AAGAB: variants seen among roughly 807,000 people sequenced by gnomAD.
The protein encoded by AAGAB is alpha and gamma adaptin binding protein, also known as alpha- and gamma-adaptin-binding protein p34.
In AAGAB, 38 loss-of-function variants were observed where a neutral mutation model predicts 44.1. The observed-to-expected ratio is 0.86, with a 90% CI of 0.67 to 1.13. The LOEUF is 1.13. Ranked by LOEUF, AAGAB falls within the 50% of genes most tolerant of loss-of-function variation. The pLI, the probability that AAGAB is intolerant of heterozygous loss-of-function variation, is 0.00. For missense variants in AAGAB, 450 were observed against 373.8 expected, an observed-to-expected ratio of 1.20 and a Z score of -1.68; for synonymous variants, 131 against 131.8, an observed-to-expected ratio of 0.99 and a Z score of 0.04.
At chr15:67,227,186 C>T (rs1409710094) in intron 5 of AAGAB, among the ~76,000 whole-genome samples, 1 of 152,130 alleles carries the variant, frequency 6.6e-6, no homozygotes, top group African/African-American at 2.4e-5. Context: ...AATACATAAT[C>T]CCAAATAATC....
Position 67,208,619 on chromosome 15 carries a change from A to T in AAGAB, c.658T>A (p.Ser220Thr). Residue 220 changes from serine (S) to threonine (T), a missense_variant, in exon 7 of 10, where the codon TCT becomes ACT. Coordinates refer to ENST00000261880, the MANE Select transcript of AAGAB (RefSeq NM_024666.5). Reference protein sequence around the residue: ...LPAADSTESLSDHRGGASNTT... With the variant: ...LPAADSTESLTDHRGGASNTT... The stretch of plus-strand genomic sequence containing the variant: ...TTAGATGCACCACCCCGATGATCAG[A>T]GAGGGATTCAGTACTATCTGCTGCT... 2 of 1,614,224 alleles carry T rather than the reference A, an allele frequency of 1.2e-6. No homozygotes were observed. Among genetic ancestry groups the T allele is most frequent in the Admixed American group, 1.7e-5 (1 of 60,026 alleles).
At chr15:67,204,239 G>T in intron 7 of AAGAB, 91 bp from the exon 8 acceptor site, 1 of 871,170 alleles carries the variant, frequency 1.1e-6, no homozygotes. Context: ...CCTTGATGAA[G>T]TCACCAATGA....
chr15:67,252,707 G>A (rs575544919), intron 1 of AAGAB, among the ~76,000 whole-genome samples: 2 of 152,218 alleles, frequency 1.3e-5, no homozygotes, highest in South Asian at 2.1e-4. Flanking sequence ...ATAGGAAGGA[G>A]CACTGCTTAA....
intron 4 of AAGAB, among the ~76,000 whole-genome samples, chr15:67,233,431 A>T (rs990798264): frequency 6.6e-6 from 1 of 152,206 alleles, no homozygotes; most frequent in Admixed American, 6.5e-5. Context: ...TGTACAAAGG[A>T]AATGGGGATC....
intron 5 of AAGAB, among the ~76,000 whole-genome samples, chr15:67,229,670 A>G (rs950413205): frequency 6.6e-6 from 1 of 152,074 alleles, no homozygotes; most frequent in Non-Finnish European, 1.5e-5. Context: ...TTCTCTAATG[A>G]CGACAAGGGT....
intron 1 of AAGAB, among the ~76,000 whole-genome samples, chr15:67,247,597 C>T: frequency 6.6e-6 from 1 of 152,228 alleles, no homozygotes; most frequent in East Asian, 1.9e-4. Flanking sequence ...GGTATTTCTC[C>T]TCCTACTCTC....
intron 5 of AAGAB, among the ~76,000 whole-genome samples, chr15:67,222,931 G>A (rs1964116912): frequency 1.3e-5 from 2 of 152,090 alleles, no homozygotes. Context: ...TGCTCTTCAA[G>A]GTCACTAATG....
intron 5 of AAGAB, among the ~76,000 whole-genome samples, chr15:67,211,772 T>C (rs2140348991): frequency 6.6e-6 from 1 of 152,356 alleles, no homozygotes; most frequent in Middle Eastern, 3.4e-3. Flanking sequence ...ATTTTTCCTC[T>C]GTTAGGCGTC....
chr15:67,232,115 G>A (rs1964352159), intron 4 of AAGAB, among the ~76,000 whole-genome samples: 1 of 151,932 alleles, frequency 6.6e-6, no homozygotes, highest in South Asian at 2.1e-4. Flanking sequence ...TTAGCCAGGC[G>A]TGGTGGCGCA....
At chr15:67,249,282 C>T (rs549569404) in intron 1 of AAGAB, among the ~76,000 whole-genome samples, 4 of 152,062 alleles carry the variant, frequency 2.6e-5, no homozygotes, top group East Asian at 1.9e-4. Context: ...TGATCAGCCC[C>T]CCTCGGACTC....
At position 67,200,774 on chromosome 15, in the gene AAGAB, T is replaced by C. The variant is rs574753549; in HGVS notation, c.*2047A>G. Among the ~76,000 whole-genome samples the C allele has an allele frequency of 5.7e-4, 87 of 152,362 alleles. No homozygotes were observed. Among genetic ancestry groups the C allele is most frequent in the African/African-American group, 2.0e-3 (83 of 41,582 alleles). ...CTGTAGTGTTAGCTCATGATCACTA[T>C]TCTAACATGGGCTTTTAGTAGATTT... On this transcript the variant is annotated 3_prime_UTR_variant, in exon 10 of 10. Transcript: ENST00000261880.
At chr15:67,254,360 C>A in intron 1 of AAGAB, 199 bp downstream of exon 1, 1 of 1,369,578 alleles carries the variant, frequency 7.3e-7, no homozygotes, top group Non-Finnish European at 9.5e-7. Flanking sequence ...AAAGGAACGC[C>A]GAAGAAGGCC....
At position 67,217,574 on chromosome 15, in the gene AAGAB, T is replaced by C. The variant is rs185846982; in HGVS notation, c.536-8030A>G. 1.2e-4 allele frequency among the ~76,000 whole-genome samples: 18 copies of C among 152,326 alleles called. No homozygotes were observed. The East Asian group carries it at 3.5e-3, about 29-fold the overall frequency. Reference sequence around the variant, plus strand: ...ATTTTTTTGAAATGGAGTCTCGCTCTATCACCAGGCTGGAGTGCAGTGCTG... The same window carrying C: ...ATTTTTTTGAAATGGAGTCTCGCTCCATCACCAGGCTGGAGTGCAGTGCTG... On this transcript the variant is annotated intron_variant, in intron 5 of 9. Transcript: ENST00000261880.
At chr15:67,217,463 T>C (rs1308794610) in intron 5 of AAGAB, among the ~76,000 whole-genome samples, 1 of 152,250 alleles carries the variant, frequency 6.6e-6, no homozygotes, top group Non-Finnish European at 1.5e-5. Flanking sequence ...AACAATTTTA[T>C]TTAAGGCATT....
Position 67,235,981 on chromosome 15 carries a change from T to A in AAGAB, c.449A>T (p.Asp150Val). The A allele has an allele frequency of 6.2e-7, 1 of 1,602,256 alleles. No homozygotes were observed. The highest frequency in any genetic ancestry group is 8.5e-7 in the Non-Finnish European group (1 of 1,171,192). ...TCTCCTAACACATAAACACTTACCA[T>A]CCTCCTCAGGCAACTCCTCTGGACT... ...ELSPEELPEEDDDFPESTGVK... is the reference protein window; with the variant it reads ...ELSPEELPEEVDDFPESTGVK... Residue 150 changes from aspartate (D) to valine (V), a missense_variant and splice_region_variant, in exon 4 of 10, where the codon GAT becomes GTT. Asp to Val is a radical substitution (Grantham distance 152, BLOSUM62 -3). Transcript: ENST00000261880.
chr15:67,238,147 AT>A (rs1212879649), intron 1 of AAGAB, among the ~76,000 whole-genome samples: 1 of 152,164 alleles, frequency 6.6e-6, no homozygotes, highest in Non-Finnish European at 1.5e-5. Context: ...TTAAGGTTTT[AT>A]TTTTGATATA....
chr15:67,204,593 T>C (rs1963644497), intron 7 of AAGAB, among the ~76,000 whole-genome samples: 1 of 152,128 alleles, frequency 6.6e-6, no homozygotes, highest in Non-Finnish European at 1.5e-5. Context: ...AAAAGGTGAT[T>C]AGAACAGATA....
Position 67,203,596 on chromosome 15 carries a change from G to A in AAGAB, c.822C>T (p.Asp274=), listed in dbSNP as rs1025337499. 1 of 1,613,318 alleles carries A rather than the reference G, an allele frequency of 6.2e-7. No homozygotes were observed. Among genetic ancestry groups the A allele is most frequent in the African/African-American group, 1.3e-5 (1 of 75,024 alleles). The change falls in exon 9 of 10, where the codon GAC becomes GAT. Residue 274 remains aspartate (D), a splice_region_variant and synonymous_variant. Coordinates refer to ENST00000261880, the MANE Select transcript of AAGAB (RefSeq NM_024666.5). ...GCTCATGAGGAAGCGTCGCAGCCTTGTCTAGGGGGAAAATATATCTTAAGA... is the reference window on the plus strand; with the variant it reads ...GCTCATGAGGAAGCGTCGCAGCCTTATCTAGGGGGAAAATATATCTTAAGA... ...RLFSKLKEMK[D]KAATLPHEQR...
intron 1 of AAGAB, among the ~76,000 whole-genome samples, chr15:67,249,195 C>T (rs1197227357): frequency 6.6e-6 from 1 of 151,980 alleles, no homozygotes; most frequent in Non-Finnish European, 1.5e-5. Flanking sequence ...CCACCACACC[C>T]GGCTAATTTC....
Sources: allele counts gnomAD v4.1 joint callset (sites outside exome capture counted in the v4.1 genomes callset), GRCh38; gene constraint gnomAD v4.1.1; transcripts MANE v1.5; gene names NCBI Gene and HGNC (gene_info 2026-07-23, HGNC 2026-07-21).